PGR: variants seen among roughly 807,000 people sequenced by gnomAD.
The protein encoded by PGR is progesterone receptor.
A neutral mutation model predicts 76.1 loss-of-function variants in PGR; 25 were observed. That is an observed-to-expected ratio of 0.33 (90% CI 0.24 to 0.46). The LOEUF (loss-of-function observed/expected upper bound fraction) is 0.46. Ranked by LOEUF, PGR falls within the 20% of genes least tolerant of loss-of-function variation. PGR has a pLI of 1.00. For missense variants in PGR, 1,172 were observed against 1,225.3 expected (o/e 0.96, Z 0.65); for synonymous variants, 579 against 535.0 (o/e 1.08, Z -1.14).
chr11:101,121,135 T>C (rs1444258452), intron 2 of PGR, among the ~76,000 whole-genome samples: 1 of 152,204 alleles, frequency 6.6e-6, no homozygotes, highest in Non-Finnish European at 1.5e-5. Context: ...AAATTGGATA[T>C]AGAGTTTTGA....
intron 3 of PGR, among the ~76,000 whole-genome samples, chr11:101,084,552 G>A (rs900913363): frequency 7.2e-5 from 11 of 152,008 alleles, no homozygotes; most frequent in Non-Finnish European, 1.2e-4. Context: ...CAGCTACTCC[G>A]GAGGCTGAGA....
chr11:101,066,044 C>T (rs943659698), intron 3 of PGR, among the ~76,000 whole-genome samples: 2 of 152,228 alleles, frequency 1.3e-5, no homozygotes, highest in South Asian at 2.1e-4. Flanking sequence ...TTCTCACCCA[C>T]TCAGGGACTT....
chr11:101,123,500 A>G (rs1456696447), intron 2 of PGR, among the ~76,000 whole-genome samples: 1 of 152,208 alleles, frequency 6.6e-6, no homozygotes, highest in African/African-American at 2.4e-5. Context: ...CCGATTCTCC[A>G]AATTCACCCA....
intron 3 of PGR, among the ~76,000 whole-genome samples, chr11:101,074,593 A>C (rs746628014): frequency 5.3e-5 from 8 of 152,182 alleles, no homozygotes; most frequent in Non-Finnish European, 8.8e-5. Flanking sequence ...ATCTCAGCCC[A>C]AAATCTCCTT....
chr11:101,125,921 C>A, intron 2 of PGR, 86 bp downstream of exon 2: 1 of 1,131,516 alleles, frequency 8.8e-7, no homozygotes, highest in Non-Finnish European at 1.3e-6. Context: ...TTATAAGAAA[C>A]AAGGAATAAT....
At chr11:101,100,916 T>C (rs1023253286) in intron 2 of PGR, among the ~76,000 whole-genome samples, 1 of 152,202 alleles carries the variant, frequency 6.6e-6, no homozygotes, top group South Asian at 2.1e-4. Flanking sequence ...TATAAACTCA[T>C]GATCCCCTTA....
At chr11:101,127,377 C>A (rs1206544348) in intron 1 of PGR, 57 bp downstream of exon 1, 49 of 1,345,684 alleles carry the variant, frequency 3.6e-5, no homozygotes, top group Non-Finnish European at 4.2e-5. Context: ...CGGCCGCCGC[C>A]GCCAACGGAA....
rs1290515874 is a variant in PGR at position 101,033,242 on chromosome 11, T to A, written c.*5874A>T. On this transcript the variant is annotated 3_prime_UTR_variant, in exon 8 of 8. Transcript: ENST00000325455. The stretch of plus-strand genomic sequence containing the variant: ...CCCTAATCATAGCAAATTCAGGGCT[T>A]ACTAGTTTAGGCAAATTCTGGAAAG... The A allele has an allele frequency of 4.8e-6, 1 of 207,584 alleles. No homozygotes were observed. The highest frequency in any genetic ancestry group is 7.3e-5 in the East Asian group (1 of 13,620). The allele number at this position is 207,584 out of a possible 1,614,324, so 12.9% of individuals were successfully genotyped here.
chr11:101,067,683 G>A (rs544487966), intron 3 of PGR, among the ~76,000 whole-genome samples: 1 of 152,062 alleles, frequency 6.6e-6, no homozygotes, highest in South Asian at 2.1e-4. Context: ...TGTAGGTAAA[G>A]CACAGCAAAT....
intron 2 of PGR, among the ~76,000 whole-genome samples, chr11:101,123,423 C>T (rs1862739758): frequency 6.6e-6 from 1 of 152,136 alleles, no homozygotes; most frequent in Admixed American, 6.5e-5. Flanking sequence ...GATATAAGTC[C>T]TTCTACTTAT....
At chr11:101,059,174 T>A (rs1860395614) in intron 4 of PGR, among the ~76,000 whole-genome samples, 1 of 152,012 alleles carries the variant, frequency 6.6e-6, no homozygotes, top group South Asian at 2.1e-4. Flanking sequence ...ATCAAAGTCT[T>A]GTTTCTCCTG....
At position 101,128,360 on chromosome 11, in the gene PGR, C is replaced by A. The variant is rs753284581; in HGVS notation, c.711G>T (p.Leu237=). Residue 237 remains leucine (L), a synonymous_variant, in exon 1 of 8, where the codon CTG becomes CTT. Coordinates refer to ENST00000325455, the MANE Select transcript of PGR (RefSeq NM_000926.4). ...SESEESAGPL[L]KGKPRALGGA... Reference sequence around the variant, plus strand: ...CACCCAGAGCCCGAGGTTTGCCCTTCAGAAGCGGACCCGCAGACTCCTCGG... The same window carrying A: ...CACCCAGAGCCCGAGGTTTGCCCTTAAGAAGCGGACCCGCAGACTCCTCGG... 2.5e-6 allele frequency: 4 copies of A among 1,605,258 alleles called. No individual in the cohort carries two copies. The highest frequency in any genetic ancestry group is 3.4e-6 in the Non-Finnish European group (4 of 1,179,448).
At chr11:101,078,337 A>G (rs1159134823) in intron 3 of PGR, among the ~76,000 whole-genome samples, 1 of 152,244 alleles carries the variant, frequency 6.6e-6, no homozygotes. Context: ...AAAATTTCAA[A>G]GAAGATAACT....
chr11:101,041,375 G>A (rs960466311), intron 7 of PGR, among the ~76,000 whole-genome samples: 1 of 152,018 alleles, frequency 6.6e-6, no homozygotes, highest in Admixed American at 6.6e-5. Context: ...TCTTGTCTTA[G>A]TAATCCACCT....
chr11:101,069,557 C>A (rs917728288), intron 3 of PGR, among the ~76,000 whole-genome samples: 2 of 152,100 alleles, frequency 1.3e-5, no homozygotes, highest in African/African-American at 4.8e-5. Flanking sequence ...GACACATGCA[C>A]ATGTATGTTT....
chr11:101,068,294 C>G (rs558760808), intron 3 of PGR, among the ~76,000 whole-genome samples: 1 of 151,974 alleles, frequency 6.6e-6, no homozygotes, highest in Non-Finnish European at 1.5e-5. Flanking sequence ...GAATTAAATG[C>G]CCAGGAATAC....
intron 2 of PGR, among the ~76,000 whole-genome samples, chr11:101,095,215 A>T (rs1281094246): frequency 6.6e-6 from 1 of 152,242 alleles, no homozygotes; most frequent in Admixed American, 6.5e-5. Flanking sequence ...TCATTCAACA[A>T]GTATTGAGTA....
rs13377563 is a variant in PGR, at chr11:101,072,023, C to T, written c.1907-9271G>A. ...AGAAGAGCAACCCCAAGACACATAA[C>T]TGTCAGATTCACCAAGATTGAAATG... On this transcript the variant is annotated intron_variant, in intron 3 of 7. Transcript: ENST00000325455. 3.6e-3 allele frequency among the ~76,000 whole-genome samples: 546 copies of T among 151,926 alleles called. 4 individuals carry two copies. Among genetic ancestry groups the T allele is most frequent in the African/African-American group, 0.012 (517 of 41,508 alleles).
chr11:101,077,218 T>C (rs944610915), intron 3 of PGR, among the ~76,000 whole-genome samples: 1 of 152,116 alleles, frequency 6.6e-6, no homozygotes, highest in African/African-American at 2.4e-5. Flanking sequence ...TATGGAAGGA[T>C]GTCTAGAGGC....
Sources: allele counts gnomAD v4.1 joint callset (sites outside exome capture counted in the v4.1 genomes callset), GRCh38; gene constraint gnomAD v4.1.1; transcripts MANE v1.5; gene names NCBI Gene and HGNC (gene_info 2026-07-23, HGNC 2026-07-21).